Variants in IWS1 observed in about 807,000 individuals in gnomAD.
IWS1 encodes interacts with SUPT6H, CTD assembly factor 1, also known as protein IWS1 homolog.
Under a neutral mutation model 86.7 loss-of-function variants are expected in IWS1, and 27 were observed. The observed-to-expected ratio is 0.31, with a 90% confidence interval of 0.23 to 0.43. The LOEUF is 0.43. Among genes scored for constraint, IWS1 ranks in the 20% least tolerant of loss-of-function variants. IWS1 has a pLI of 1.00. For missense variants in IWS1, 827 were observed against 1,000.8 expected, an observed-to-expected ratio of 0.83 and a Z score of 2.34; for synonymous variants, 313 against 335.1, an observed-to-expected ratio of 0.93 and a Z score of 0.72.
intron 2 of IWS1, among the ~76,000 whole-genome samples, chr2:127,520,295 G>C (rs534636412): frequency 5.3e-5 from 8 of 151,976 alleles, no homozygotes. Context: ...CAGCCTCCTA[G>C]GTAGCTGGGA....
At chr2:127,486,736 C>T in intron 12 of IWS1, 72 bp from the exon 13 acceptor site, 1 of 1,123,636 alleles carries the variant, frequency 8.9e-7, no homozygotes, top group South Asian at 1.3e-5. Flanking sequence ...CCATTTCACA[C>T]TCCTGTTCCT....
intron 13 of IWS1, among the ~76,000 whole-genome samples, chr2:127,483,611 TGTGTGTGTGTGTGCGTGTGC>T (rs1689768967): frequency 2.6e-4 from 1 of 3,794 alleles, no homozygotes; most frequent in African/African-American, 3.5e-4. Flanking sequence ...GGGCTGTGTG[TGTGTGTGTGTGTGCGTGTGC>T]GTGTGTGTGT....
chr2:127,496,391 T>C (rs1012132794), intron 6 of IWS1, among the ~76,000 whole-genome samples: 1 of 152,228 alleles, frequency 6.6e-6, no homozygotes, highest in Middle Eastern at 3.4e-3. Flanking sequence ...ATATTTTTTA[T>C]AAATTTAGTG....
Position 127,489,624 on chromosome 2 carries a change from C to T in IWS1, c.2159+208G>A. 1.8e-6 allele frequency: 1 copy of T among 551,234 alleles called. No homozygotes were observed. Among genetic ancestry groups the T allele is most frequent in the Admixed American group, 3.5e-5 (1 of 28,854 alleles). The allele number at this position is 551,234 out of a possible 1,614,324, so 34.1% of individuals were successfully genotyped here. A position where few individuals can be genotyped will look rare whatever the true frequency, so the allele number is the denominator to read the frequency against. On this transcript the variant is annotated intron_variant, in intron 11 of 13. Transcript: ENST00000295321. The surrounding 1 kb of genome is among the most constrained non-coding windows in gnomAD (Gnocchi z 4.8). ...CTGAAACAGGCCCTGTTCCAACAAACTGACCCAGAAAGGTCTGGTTAGGAG... is the reference window on the plus strand; with the variant it reads ...CTGAAACAGGCCCTGTTCCAACAAATTGACCCAGAAAGGTCTGGTTAGGAG...
At chr2:127,524,855 A>T (rs1271460214) in intron 1 of IWS1, among the ~76,000 whole-genome samples, 1 of 148,624 alleles carries the variant, frequency 6.7e-6, no homozygotes, top group Admixed American at 6.9e-5. Flanking sequence ...AACTATTCTG[A>T]AAGTATCAGG....
At position 127,489,919 on chromosome 2, in the gene IWS1, C is replaced by T. The variant is rs1209853628; in HGVS notation, c.2072G>A (p.Gly691Asp). 2 of 1,604,002 alleles carry T rather than the reference C, an allele frequency of 1.2e-6. No individual in the cohort carries two copies. Among genetic ancestry groups the T allele is most frequent in the Non-Finnish European group, 1.7e-6 (2 of 1,170,884 alleles). Residue 691 changes from glycine to aspartate, a missense_variant, in exon 11 of 14, where the codon GGT becomes GAT. Physicochemically the swap from Gly to Asp is moderately conservative, Grantham distance 94. Transcript: ENST00000295321. This position sits in a 1 kb window ranked among gnomAD's most constrained non-coding sequence, Gnocchi z 4.8. ...CATTCCTTTGTAGTTTGAGGTAAGA[C>T]CAAATATAGGCCTAGACCACTCATC... ...LINEWSRPIF[G>D]LTSNYKGMTR...
intron 2 of IWS1, chr2:127,515,001 G>T (rs1691692722): frequency 6.6e-6 from 1 of 152,238 alleles, no homozygotes; most frequent in Non-Finnish European, 1.5e-5. Flanking sequence ...TGCATCACAA[G>T]TAACATGTTC....
intron 1 of IWS1, among the ~76,000 whole-genome samples, chr2:127,525,132 T>TA (rs1207658493): frequency 7.4e-5 from 3 of 40,604 alleles, no homozygotes; most frequent in African/African-American, 3.4e-4. Flanking sequence ...GGTACGGGCA[T>TA]GGGGGGTGGG....
chr2:127,498,076 G>A, intron 6 of IWS1, 64 bp downstream of exon 6: 1 of 1,276,970 alleles, frequency 7.8e-7, no homozygotes, highest in Non-Finnish European at 1.1e-6. Flanking sequence ...ACAAAAGAGA[G>A]TTTAATAGTC....
intron 9 of IWS1, chr2:127,492,889 G>A (rs1690306819): frequency 6.4e-6 from 1 of 155,388 alleles, no homozygotes; most frequent in Admixed American, 6.5e-5. Flanking sequence ...GGTTTCCTTG[G>A]GAATTCCTTC....
At chr2:127,483,583 T>TGGGGGGGGG (rs1407597392) in intron 13 of IWS1, among the ~76,000 whole-genome samples, 2 of 20,616 alleles carry the variant, frequency 9.7e-5, no homozygotes, top group African/African-American at 1.9e-4. Context: ...GGGCGGGGGG[T>TGGGGGGGGG]GGTGGGGTGG....
intron 10 of IWS1, among the ~76,000 whole-genome samples, chr2:127,491,711 G>A (rs1189568788): frequency 1.3e-5 from 2 of 152,110 alleles, no homozygotes; most frequent in Non-Finnish European, 2.9e-5. Flanking sequence ...CCAAAGTGCT[G>A]GGATTACAGG....
At chr2:127,513,067 CCT>C (rs2104723399) in intron 2 of IWS1, among the ~76,000 whole-genome samples, 1 of 152,208 alleles carries the variant, frequency 6.6e-6, no homozygotes, top group East Asian at 1.9e-4. Flanking sequence ...AGGGTGAAAC[CCT>C]GTCTCTACTA....
intron 2 of IWS1, among the ~76,000 whole-genome samples, chr2:127,518,759 G>A (rs1691919032): frequency 1.3e-5 from 2 of 151,924 alleles, no homozygotes; most frequent in African/African-American, 2.4e-5. Context: ...TAGAGACGGG[G>A]TTTCACCACC....
chr2:127,502,686 AG>A, intron 5 of IWS1, 128 bp downstream of exon 5: 3 of 493,874 alleles, frequency 6.1e-6, no homozygotes, highest in Non-Finnish European at 1.1e-5. Flanking sequence ...TCCCTCTTCT[AG>A]ATTTTTATCT....
intron 9 of IWS1, 149 bp from the exon 10 acceptor site, chr2:127,492,237 T>C: frequency 3.3e-6 from 2 of 607,238 alleles, no homozygotes; most frequent in Non-Finnish European, 5.9e-6. Context: ...AGATACTTTG[T>C]GTCCACATCA....
rs1480117539 is a variant in IWS1, at chr2:127,492,100, A to G, written c.1930-12T>C. 1 of 1,535,260 alleles carries G rather than the reference A, an allele frequency of 6.5e-7. No individual in the cohort carries two copies. Among genetic ancestry groups the G allele is most frequent in the East Asian group, 2.2e-5 (1 of 44,504 alleles). On this transcript the variant is annotated splice_polypyrimidine_tract_variant and intron_variant, in intron 9 of 13. Transcript: ENST00000295321. Reference sequence around the variant, plus strand: ...CTCACACTAGGCAGCTGGGGAACATAAACACATACACACATATTAATCACT... The same window carrying G: ...CTCACACTAGGCAGCTGGGGAACATGAACACATACACACATATTAATCACT...
chr2:127,494,809 C>T (rs181120742), intron 8 of IWS1, 63 bp downstream of exon 8: 19 of 897,630 alleles, frequency 2.1e-5, no homozygotes, highest in East Asian at 1.8e-4. Flanking sequence ...AACACCAGTA[C>T]ATCATTTGAA....
chr2:127,526,642 C>T (rs769690788), upstream of IWS1: 8 of 1,327,452 alleles, frequency 6.0e-6, no homozygotes, highest in Admixed American at 2.3e-5. Flanking sequence ...ATACCTTCCT[C>T]GGGTGGATCC....
Sources: allele counts gnomAD v4.1 joint callset (sites outside exome capture counted in the v4.1 genomes callset), GRCh38; gene constraint gnomAD v4.1.1; non-coding constraint Gnocchi (gnomAD v3.1); transcripts MANE v1.5; gene names NCBI Gene and HGNC (gene_info 2026-07-23, HGNC 2026-07-21).